The following TXK variants were observed in gnomAD, a reference collection of about 807,000 sequenced individuals.
TXK encodes tyrosine-protein kinase TXK.
A neutral mutation model predicts 81.0 loss-of-function variants in TXK; 60 were observed. The observed-to-expected ratio is 0.74, with a 90% confidence interval of 0.60 to 0.92. The LOEUF (loss-of-function observed/expected upper bound fraction) is 0.92, where lower values mean the gene tolerates loss of function less well. TXK is among the 40% of genes least tolerant of loss of function. TXK has a pLI of 0.00. For synonymous variants in TXK, 203 were observed against 210.7 expected, an observed-to-expected ratio of 0.96 and a Z score of 0.32; for missense variants, 581 against 638.3, an observed-to-expected ratio of 0.91 and a Z score of 0.97.
chr4:48,095,757 G>A (rs193294996), intron 6 of TXK, among the ~76,000 whole-genome samples: 268 of 152,240 alleles, frequency 1.8e-3, no homozygotes, highest in African/African-American at 5.7e-3. Flanking sequence ...GTTGCAGTAG[G>A]GGTATGGGAA....
Position 48,134,177 on chromosome 4 carries a change from C to T in TXK, c.-7G>A, listed in dbSNP as rs752416115. 3 of 1,613,332 alleles carry T rather than the reference C, an allele frequency of 1.9e-6. No individual in the cohort carries two copies. The highest frequency in any genetic ancestry group is 3.3e-5 in the Admixed American group (2 of 59,922). ...CACAGGAGGAAAGGATCATGGTAGC[C>T]CCTTCTGCGGGGAGCACACAACAGT... On this transcript the variant is annotated 5_prime_UTR_variant, in exon 1 of 15. Transcript: ENST00000264316.
chr4:48,125,386 A>C (rs927946478), intron 1 of TXK, among the ~76,000 whole-genome samples: 1 of 152,222 alleles, frequency 6.6e-6, no homozygotes. Context: ...AAGGTAACCA[A>C]ATAGGAGCAG....
At chr4:48,071,828 C>A (rs949150443) in intron 13 of TXK, among the ~76,000 whole-genome samples, 154 bp from the exon 14 acceptor site, 1 of 152,160 alleles carries the variant, frequency 6.6e-6, no homozygotes, top group Non-Finnish European at 1.5e-5. Context: ...GGAAGCAAAT[C>A]ATGTTCACTT....
intron 3 of TXK, among the ~76,000 whole-genome samples, chr4:48,112,752 AT>A (rs1055019028): frequency 5.3e-5 from 8 of 151,830 alleles, no homozygotes; most frequent in Admixed American, 2.6e-4. Context: ...ATTTTACTGG[AT>A]TTTTTTTCAT....
intron 1 of TXK, among the ~76,000 whole-genome samples, chr4:48,126,345 T>C (rs1002634973): frequency 6.6e-6 from 1 of 152,256 alleles, no homozygotes; most frequent in African/African-American, 2.4e-5. Context: ...GCTTACTTTA[T>C]TGTAAGAATA....
chr4:48,108,243 G>A lies in TXK; in HGVS notation c.446+2295C>T, dbSNP rs2109464146. ...AGATGGAACAAATAAGGTGATTTGA[G>A]GACTGAAGTAACGAAGGAGTGTTGA... is the stretch of plus-strand genomic sequence containing the variant. On this transcript the variant is annotated intron_variant, in intron 5 of 14. Coordinates refer to ENST00000264316, the MANE Select transcript of TXK (RefSeq NM_003328.3). Among the ~76,000 whole-genome samples the A allele has an allele frequency of 2.6e-5, 4 of 152,264 alleles. 1 individual carries two copies. The South Asian group carries it at 8.3e-4, about 32-fold the overall frequency.
At chr4:48,111,078 G>A (rs1195006601) in intron 4 of TXK, among the ~76,000 whole-genome samples, 1 of 152,158 alleles carries the variant, frequency 6.6e-6, no homozygotes, top group African/African-American at 2.4e-5. Context: ...TAGCAAAGAC[G>A]GGAATTGCTA....
rs760840826 is a variant in TXK, at chr4:48,071,564, G to A, written c.1468C>T (p.Leu490=). 1.9e-6 allele frequency: 3 copies of A among 1,614,200 alleles called. No homozygotes were observed. The highest frequency in any genetic ancestry group is 4.5e-5 in the East Asian group (2 of 44,884). ...SEGFRLYRPH[L]APMSIYEVMY... ...ACTTCATATATGGACATTGGTGCCA[G>A]GTGAGGGCGATATAGCCTGAAGCCT... Residue 490 remains leucine (L), a synonymous_variant, in exon 14 of 15, where the codon CTG becomes TTG. Transcript: ENST00000264316.
intron 1 of TXK, among the ~76,000 whole-genome samples, chr4:48,119,511 T>C (rs1718893855): frequency 6.6e-6 from 1 of 152,142 alleles, no homozygotes; most frequent in Admixed American, 6.5e-5. Flanking sequence ...GCTGTTTCAT[T>C]GCTCCCCCCG....
chr4:48,105,759 G>A (rs1016159336), intron 5 of TXK, among the ~76,000 whole-genome samples: 4 of 152,112 alleles, frequency 2.6e-5, no homozygotes, highest in South Asian at 2.1e-4. Context: ...ACCCTCTCCC[G>A]CCTCATCTCT....
At chr4:48,101,299 C>T (rs1718183780) in intron 6 of TXK, among the ~76,000 whole-genome samples, 1 of 152,076 alleles carries the variant, frequency 6.6e-6, no homozygotes, top group Non-Finnish European at 1.5e-5. Flanking sequence ...CATGTATCTA[C>T]CTGTTTGCAA....
At chr4:48,074,884 G>A (rs1006530353) in intron 12 of TXK, among the ~76,000 whole-genome samples, 1 of 152,098 alleles carries the variant, frequency 6.6e-6, no homozygotes, top group African/African-American at 2.4e-5. Flanking sequence ...AAAACAAAGA[G>A]AGAAAAGCCA....
At chr4:48,100,171 C>CAAAAAAAAA (rs11341305) in intron 6 of TXK, among the ~76,000 whole-genome samples, 10 of 53,932 alleles carry the variant, frequency 1.9e-4, no homozygotes, top group Non-Finnish European at 2.2e-4. Context: ...GACTCCATCT[C>CAAAAAAAAA]AAAAAAAAAA....
intron 6 of TXK, among the ~76,000 whole-genome samples, chr4:48,098,033 CA>C (rs1718052689): frequency 6.6e-6 from 1 of 152,170 alleles, no homozygotes; most frequent in Admixed American, 6.5e-5. Flanking sequence ...AGGCATGAGC[CA>C]CCACGCCCGG....
chr4:48,124,623 G>C (rs1312025814), intron 1 of TXK, among the ~76,000 whole-genome samples: 1 of 151,898 alleles, frequency 6.6e-6, no homozygotes, highest in African/African-American at 2.4e-5. Context: ...TGGCCACAGA[G>C]AAAGCTAAGC....
chr4:48,112,345 T>C lies in TXK; in HGVS notation c.342A>G (p.Lys114=). ...RRAEEYLILE[K]YNPHWWKARD... is the part of the protein sequence containing the mutation. ...TTGCCTTCCACCAGTGAGGATTGTATTTCTCCAGTATCAGGTATTCTTCTG... is the reference window on the plus strand; with the variant it reads ...TTGCCTTCCACCAGTGAGGATTGTACTTCTCCAGTATCAGGTATTCTTCTG... The change falls in exon 4 of 15, where the codon AAA becomes AAG. Residue 114 remains lysine, a synonymous_variant. Coordinates refer to ENST00000264316, the MANE Select transcript of TXK (RefSeq NM_003328.3). The C allele has an allele frequency of 6.2e-7, 1 of 1,614,212 alleles. No homozygotes were observed. Among genetic ancestry groups the C allele is most frequent in the Non-Finnish European group, 8.5e-7 (1 of 1,180,032 alleles).
intron 10 of TXK, among the ~76,000 whole-genome samples, chr4:48,082,104 T>C (rs1717323488): frequency 6.6e-6 from 1 of 152,230 alleles, no homozygotes; most frequent in Admixed American, 6.5e-5. Flanking sequence ...TAGTTCACAG[T>C]TTTGATTTCA....
intron 1 of TXK, among the ~76,000 whole-genome samples, chr4:48,125,595 G>T (rs1719070769): frequency 6.6e-6 from 1 of 152,204 alleles, no homozygotes. Context: ...CTTTTTCTCA[G>T]TAAGGTATAA....
At chr4:48,074,173 G>T in intron 12 of TXK, 120 bp from the exon 13 acceptor site, 1 of 715,090 alleles carries the variant, frequency 1.4e-6, no homozygotes, top group Non-Finnish European at 2.4e-6. Flanking sequence ...GAAAGGTTGT[G>T]GATGCCTTCT....
Sources: allele counts gnomAD v4.1 joint callset (sites outside exome capture counted in the v4.1 genomes callset), GRCh38; gene constraint gnomAD v4.1.1; transcripts MANE v1.5; gene names NCBI Gene and HGNC (gene_info 2026-07-23, HGNC 2026-07-21).